Variants in DLGAP2 observed in about 807,000 individuals in gnomAD.
The protein encoded by DLGAP2 is disks large-associated protein 2.
In DLGAP2, 26 loss-of-function variants were observed where a neutral mutation model predicts 100.3. That is an observed-to-expected ratio of 0.26 (90% CI 0.19 to 0.36). The LOEUF (loss-of-function observed/expected upper bound fraction) is 0.36. Ranked by LOEUF, DLGAP2 falls within the 10% of genes least tolerant of loss-of-function variation. The pLI is 1.00. For synonymous variants in DLGAP2, 886 were observed against 630.1 expected (o/e 1.41, Z -6.08); for missense variants, 1,858 against 1,453.2 (o/e 1.28, Z -4.53).
At chr8:782,208 G>C (rs779804045) in intron 1 of DLGAP2, among the ~76,000 whole-genome samples, 11 of 150,922 alleles carry the variant, frequency 7.3e-5, no homozygotes, top group Non-Finnish European at 1.2e-4. Flanking sequence ...TCAATAAAAA[G>C]GTATAAAAGT....
intron 3 of DLGAP2, among the ~76,000 whole-genome samples, chr8:1,386,909 A>G (rs1217550795): frequency 1.3e-5 from 2 of 152,224 alleles, no homozygotes; most frequent in African/African-American, 4.8e-5. Context: ...TAAAAAGTAA[A>G]GTAATAACTC....
At chr8:1,333,974 C>A (rs1446316830) in intron 3 of DLGAP2, among the ~76,000 whole-genome samples, 1 of 152,226 alleles carries the variant, frequency 6.6e-6, no homozygotes, top group African/African-American at 2.4e-5. Context: ...ACGGCGAGAG[C>A]CACGTGCTCC....
intron 8 of DLGAP2, among the ~76,000 whole-genome samples, chr8:1,649,174 C>G (rs1457571237): frequency 2.6e-5 from 4 of 152,198 alleles, no homozygotes; most frequent in Non-Finnish European, 4.4e-5. Flanking sequence ...AAAGCCAATG[C>G]TATATATCAA....
At chr8:1,123,871 A>G (rs111358076) in intron 2 of DLGAP2, among the ~76,000 whole-genome samples, 44 of 152,262 alleles carry the variant, frequency 2.9e-4, no homozygotes, top group African/African-American at 1.1e-3. Context: ...TTTGCCTAAA[A>G]ATTATTTTAT....
rs116152567 is a variant in DLGAP2 at position 925,025 on chromosome 8, G to A, written c.73+17059G>A. On this transcript the variant is annotated intron_variant, in intron 2 of 14. Transcript: ENST00000637795. ...ATTGGTGTATTGATAGTTGATAATG[G>A]TGAAGATGTATTGATAATTATGTTG... 4.8e-3 allele frequency among the ~76,000 whole-genome samples: 733 copies of A among 152,248 alleles called. 2 individuals are homozygous for A. Among genetic ancestry groups the A allele is most frequent in the African/African-American group, 0.017 (689 of 41,536 alleles).
chr8:1,048,100 A>T (rs1194743456), intron 2 of DLGAP2, among the ~76,000 whole-genome samples: 1 of 152,070 alleles, frequency 6.6e-6, no homozygotes, highest in African/African-American at 2.4e-5. Context: ...AAAGTATTTG[A>T]CCTTGTGAGA....
intron 2 of DLGAP2, among the ~76,000 whole-genome samples, chr8:1,010,733 T>A (rs1479915472): frequency 6.6e-6 from 1 of 152,236 alleles, no homozygotes; most frequent in African/African-American, 2.4e-5. Flanking sequence ...TAATGCTTGA[T>A]TTTTGCCCTC....
intron 2 of DLGAP2, among the ~76,000 whole-genome samples, chr8:1,070,573 C>T (rs1489822869): frequency 1.3e-5 from 2 of 152,168 alleles, no homozygotes; most frequent in Non-Finnish European, 2.9e-5. Flanking sequence ...AATGTCTACT[C>T]ATGTTCCAAA....
chr8:1,563,513 G>C (rs530632244), intron 5 of DLGAP2, among the ~76,000 whole-genome samples: 14 of 140,310 alleles, frequency 1.0e-4, no homozygotes, highest in African/African-American at 3.8e-4. Flanking sequence ...TGGGGTGTCC[G>C]TGCCTCGTTA....
chr8:1,357,777 C>A (rs1174857530), intron 3 of DLGAP2, among the ~76,000 whole-genome samples: 2 of 152,166 alleles, frequency 1.3e-5, no homozygotes, highest in Non-Finnish European at 2.9e-5. Context: ...TGAGCAGCCT[C>A]GTAGTGCCAT....
At chr8:769,433 C>G (rs370155180) in intron 1 of DLGAP2, among the ~76,000 whole-genome samples, 2 of 151,830 alleles carry the variant, frequency 1.3e-5, no homozygotes, top group African/African-American at 4.8e-5. Context: ...CCATTAACCC[C>G]GAATACAGGA....
chr8:1,186,399 G>A (rs1231828845), intron 2 of DLGAP2, among the ~76,000 whole-genome samples: 2 of 152,216 alleles, frequency 1.3e-5, no homozygotes, highest in African/African-American at 4.8e-5. Context: ...GCAGAGAAAC[G>A]GGTGGGGGAC....
At chr8:1,230,196 C>T (rs1211567500) in intron 2 of DLGAP2, among the ~76,000 whole-genome samples, 4 of 152,154 alleles carry the variant, frequency 2.6e-5, no homozygotes, top group Non-Finnish European at 5.9e-5. Context: ...GTACAAAAAT[C>T]AGTAGCATTT....
chr8:1,318,309 A>T (rs1484531809), intron 3 of DLGAP2, among the ~76,000 whole-genome samples: 2 of 152,178 alleles, frequency 1.3e-5, no homozygotes, highest in African/African-American at 2.4e-5. Context: ...GTTGTCAAAG[A>T]ATGTATAGCT....
At chr8:1,076,215 G>GTGCC (rs1239876330) in intron 2 of DLGAP2, among the ~76,000 whole-genome samples, 2 of 152,160 alleles carry the variant, frequency 1.3e-5, no homozygotes, top group Non-Finnish European at 2.9e-5. Flanking sequence ...CCTCACCCCT[G>GTGCC]TGCCACCCGC....
chr8:1,687,978 C>T (rs895183506), intron 12 of DLGAP2, among the ~76,000 whole-genome samples: 6 of 152,150 alleles, frequency 3.9e-5, no homozygotes, highest in African/African-American at 1.2e-4. Context: ...ATGATTCCTC[C>T]CCTCGTCATC....
intron 3 of DLGAP2, among the ~76,000 whole-genome samples, chr8:1,376,600 T>C (rs1054208523): frequency 1.3e-5 from 2 of 151,886 alleles, no homozygotes; most frequent in South Asian, 4.2e-4. Flanking sequence ...CGGGTGGCAG[T>C]GGGGAGCCGG....
At chr8:1,516,533 G>C (rs1800394731) in intron 4 of DLGAP2, among the ~76,000 whole-genome samples, 1 of 151,996 alleles carries the variant, frequency 6.6e-6, no homozygotes, top group Admixed American at 6.6e-5. Flanking sequence ...GTCAGTGAGT[G>C]AGTGAGTGCA....
intron 2 of DLGAP2, among the ~76,000 whole-genome samples, chr8:1,215,938 G>C (rs113958002): frequency 6.7e-6 from 1 of 150,086 alleles, no homozygotes; most frequent in Non-Finnish European, 1.5e-5. Context: ...ACCTGGATGG[G>C]TTCATTTGGG....
Sources: allele counts gnomAD v4.1 joint callset (sites outside exome capture counted in the v4.1 genomes callset), GRCh38; gene constraint gnomAD v4.1.1; transcripts MANE v1.5; gene names NCBI Gene and HGNC (gene_info 2026-07-23, HGNC 2026-07-21).